Variants in AGBL4 observed in about 807,000 individuals in gnomAD.
AGBL4 encodes the protein cytosolic carboxypeptidase 6.
In AGBL4, 58 loss-of-function variants were observed where a neutral mutation model predicts 66.4. That is an observed-to-expected ratio of 0.87 (90% CI 0.71 to 1.09). The LOEUF is 1.09. Ranked by LOEUF, AGBL4 falls within the 50% of genes least tolerant of loss-of-function variation. AGBL4 has a pLI of 0.00. For synonymous variants in AGBL4, 234 were observed against 222.9 expected (o/e 1.05, Z -0.44); for missense variants, 579 against 631.0 (o/e 0.92, Z 0.88).
At chr1:49,100,433 G>T (rs916514860) in intron 4 of AGBL4, among the ~76,000 whole-genome samples, 6 of 152,192 alleles carry the variant, frequency 3.9e-5, no homozygotes, top group Admixed American at 3.3e-4. Flanking sequence ...AGGAACTGGG[G>T]CAATATGTCG....
intron 3 of AGBL4, among the ~76,000 whole-genome samples, chr1:49,678,076 G>A (rs1433546176): frequency 1.3e-5 from 2 of 152,082 alleles, no homozygotes; most frequent in African/African-American, 4.8e-5. Context: ...AAACAATTAA[G>A]GCTTGGACAC....
chr1:49,805,552 A>C (rs895245409), intron 2 of AGBL4, among the ~76,000 whole-genome samples: 65 of 152,336 alleles, frequency 4.3e-4, no homozygotes, highest in African/African-American at 1.5e-3. Flanking sequence ...AAATAGCAAT[A>C]AACAAGATAC....
intron 2 of AGBL4, among the ~76,000 whole-genome samples, chr1:49,738,158 C>A (rs1031950653): frequency 2.6e-5 from 4 of 152,230 alleles, no homozygotes; most frequent in Admixed American, 6.5e-5. Flanking sequence ...CTTTCCTAGC[C>A]AAGGACAGCG....
rs1246578677 is a variant in AGBL4, at chr1:49,841,843, C to T, written c.157+9553G>A. ...CACCGGCACCACGGCCTTTGTCTCA[C>T]AGTCAGGCGGAGCAGGGGCAGCCAT... On this transcript the variant is annotated intron_variant, in intron 2 of 13. Transcript: ENST00000371839. The T allele has an allele frequency of 1.9e-5, 9 of 462,928 alleles. No homozygotes were observed. In the East Asian group the frequency reaches 4.6e-4, roughly 23 times the overall value. The allele number at this position is 462,928 out of a possible 1,614,324, so 28.7% of individuals were successfully genotyped here. A position where few individuals can be genotyped will look rare whatever the true frequency, so the allele number is the denominator to read the frequency against.
intron 3 of AGBL4, among the ~76,000 whole-genome samples, chr1:49,631,537 T>G (rs1645569292): frequency 6.6e-6 from 1 of 152,160 alleles, no homozygotes; most frequent in Admixed American, 6.5e-5. Flanking sequence ...TTTTCTCAGT[T>G]TCATCATTGA....
intron 3 of AGBL4, among the ~76,000 whole-genome samples, chr1:49,294,137 G>A (rs1644596286): frequency 6.6e-6 from 1 of 152,150 alleles, no homozygotes; most frequent in Non-Finnish European, 1.5e-5. Flanking sequence ...TTAGTTGCAT[G>A]TTTTTGGAAA....
At position 49,612,678 on chromosome 1, in the gene AGBL4, TA is replaced by T. The variant is rs1251068891; in HGVS notation, c.282+84634del. On this transcript the variant is annotated intron_variant, in intron 3 of 13. Coordinates refer to ENST00000371839, the MANE Select transcript of AGBL4 (RefSeq NM_032785.4). ...AATGCAAATCAAAACCACAATAAGA[TA>T]CCATCTCACACCTGTCAGAATGGCT... Among the ~76,000 whole-genome samples the T allele has an allele frequency of 8.5e-5, 13 of 152,256 alleles. No homozygotes were observed. The Middle Eastern group carries it at 0.01, about 120-fold the overall frequency.
At chr1:48,661,308 G>C (rs1646103809) in intron 7 of AGBL4, among the ~76,000 whole-genome samples, 2 of 152,220 alleles carry the variant, frequency 1.3e-5, no homozygotes, top group South Asian at 4.1e-4. Context: ...GGGCTTGCCA[G>C]GTGGCAAGGA....
At chr1:49,829,321 A>G (rs996069514) in intron 2 of AGBL4, among the ~76,000 whole-genome samples, 3 of 152,222 alleles carry the variant, frequency 2.0e-5, no homozygotes, top group Non-Finnish European at 4.4e-5. Context: ...GTGTGGAGGA[A>G]AACAAGATAG....
chr1:48,728,125 C>T, intron 6 of AGBL4: 1 of 1,286,428 alleles, frequency 7.8e-7, no homozygotes. Context: ...AGAAAATGTA[C>T]CTCCCAACAT....
chr1:49,285,821 C>T (rs181853489), intron 3 of AGBL4, among the ~76,000 whole-genome samples: 159 of 152,196 alleles, frequency 1.0e-3, no homozygotes, highest in African/African-American at 3.7e-3. Flanking sequence ...GAAACTATTC[C>T]AATCAATAGA....
chr1:49,341,325 G>A (rs970913946), intron 3 of AGBL4, among the ~76,000 whole-genome samples: 6 of 152,136 alleles, frequency 3.9e-5, no homozygotes, highest in Non-Finnish European at 8.8e-5. Context: ...GTACCAGTTG[G>A]CTGACTTTGG....
intron 5 of AGBL4, among the ~76,000 whole-genome samples, chr1:49,009,493 A>G (rs1180607092): frequency 6.6e-6 from 1 of 151,718 alleles, no homozygotes; most frequent in Non-Finnish European, 1.5e-5. Context: ...ATTCCAATCA[A>G]TAGAAAAAGA....
At chr1:48,653,262 A>G in intron 8 of AGBL4, 75 bp downstream of exon 8, 1 of 1,161,732 alleles carries the variant, frequency 8.6e-7, no homozygotes, top group Non-Finnish European at 1.2e-6. Flanking sequence ...CAAAAAATAT[A>G]TCCCGTATTT....
chr1:48,954,365 T>G (rs1657258961), intron 5 of AGBL4, among the ~76,000 whole-genome samples: 1 of 152,228 alleles, frequency 6.6e-6, no homozygotes, highest in South Asian at 2.1e-4. Context: ...TTATCAAAAT[T>G]GATTCCAATG....
chr1:49,403,840 T>C (rs1645139821), intron 3 of AGBL4, among the ~76,000 whole-genome samples: 1 of 152,150 alleles, frequency 6.6e-6, no homozygotes, highest in African/African-American at 2.4e-5. Context: ...CTCTACTTTC[T>C]ACCCCTACTT....
chr1:49,233,550 C>T (rs1472371592), intron 4 of AGBL4, among the ~76,000 whole-genome samples: 2 of 152,174 alleles, frequency 1.3e-5, no homozygotes, highest in Admixed American at 6.5e-5. Flanking sequence ...GACTTCACTG[C>T]TTCACATAAC....
In AGBL4 at chr1:49,492,193, G is replaced by A. The variant is rs78589043; in HGVS notation, c.282+205120C>T. 4.3e-3 allele frequency among the ~76,000 whole-genome samples: 656 copies of A among 151,936 alleles called. 7 individuals carry two copies. The highest frequency in any genetic ancestry group is 0.015 in the African/African-American group (614 of 41,494). ...ACCTTCTGATAACATGTCAGAAGGA[G>A]GATCATCTGCTTTGGGTGATCCTGG... On this transcript the variant is annotated intron_variant, in intron 3 of 13. Transcript: ENST00000371839.
chr1:49,170,076 T>G (rs1646706246), intron 4 of AGBL4, among the ~76,000 whole-genome samples: 1 of 151,626 alleles, frequency 6.6e-6, no homozygotes, highest in Admixed American at 6.6e-5. Context: ...ACGTCAGGCT[T>G]CACCACTGTA....
Sources: allele counts gnomAD v4.1 joint callset (sites outside exome capture counted in the v4.1 genomes callset), GRCh38; gene constraint gnomAD v4.1.1; transcripts MANE v1.5; gene names NCBI Gene and HGNC (gene_info 2026-07-23, HGNC 2026-07-21).